TRHDE: variants seen among roughly 807,000 people sequenced by gnomAD.
TRHDE encodes thyrotropin releasing hormone degrading enzyme, also known as thyrotropin-releasing hormone-degrading ectoenzyme.
TRHDE carries 72 observed loss-of-function variants against 125.7 expected under a neutral mutation model. The observed-to-expected ratio is 0.57, with a 90% confidence interval of 0.47 to 0.70. The LOEUF (loss-of-function observed/expected upper bound fraction) is 0.70. Ranked by LOEUF, TRHDE falls within the 30% of genes least tolerant of loss-of-function variation. The pLI is 0.00. For missense variants in TRHDE, 1,110 were observed against 1,327.1 expected, an observed-to-expected ratio of 0.84 and a Z score of 2.54; for synonymous variants, 509 against 509.1, an observed-to-expected ratio of 1.00 and a Z score of 0.00.
At chr12:72,575,179 C>T in intron 10 of TRHDE, 76 bp from the exon 11 acceptor site, 1 of 1,383,526 alleles carries the variant, frequency 7.2e-7, no homozygotes, top group Non-Finnish European at 1.0e-6. Context: ...ATTGTTATAT[C>T]TGGCGTTAAG....
intron 3 of TRHDE, among the ~76,000 whole-genome samples, chr12:72,455,067 G>A (rs1291442734): frequency 6.6e-6 from 1 of 152,058 alleles, no homozygotes; most frequent in Non-Finnish European, 1.5e-5. Flanking sequence ...CAGTAATATA[G>A]AATAAGAAGG....
chr12:72,440,138 G>T (rs1239257222), intron 3 of TRHDE, among the ~76,000 whole-genome samples: 1 of 151,824 alleles, frequency 6.6e-6, no homozygotes, highest in African/African-American at 2.4e-5. Flanking sequence ...GATCTTTTTA[G>T]TGTGCTGTTG....
chr12:72,211,652 TATATAGAC>T (rs1877784959), intron 2 of TRHDE, among the ~76,000 whole-genome samples: 1 of 152,158 alleles, frequency 6.6e-6, no homozygotes, highest in African/African-American at 2.4e-5. Flanking sequence ...GACGCAAAGC[TATATAGAC>T]TGCTAGTCTT....
chr12:72,320,305 GCATACAAT>G (rs1401358663), intron 2 of TRHDE, among the ~76,000 whole-genome samples: 6 of 150,698 alleles, frequency 4.0e-5, no homozygotes, highest in Non-Finnish European at 8.9e-5. Context: ...AACAGTATTT[GCATACAAT>G]CTACACCTAC....
intron 6 of TRHDE, among the ~76,000 whole-genome samples, chr12:72,516,267 T>C (rs2135955368): frequency 6.6e-6 from 1 of 152,226 alleles, no homozygotes. Flanking sequence ...TGATTCTTCC[T>C]ACCCATGAGC....
intron 2 of TRHDE, among the ~76,000 whole-genome samples, chr12:72,121,500 A>G (rs1466225417): frequency 6.6e-6 from 1 of 152,088 alleles, no homozygotes; most frequent in African/African-American, 2.4e-5. Flanking sequence ...ACAGGGCAGC[A>G]CTGAGTTCCA....
At chr12:72,485,017 C>A (rs1877337153) in intron 5 of TRHDE, among the ~76,000 whole-genome samples, 1 of 152,102 alleles carries the variant, frequency 6.6e-6, no homozygotes, top group Non-Finnish European at 1.5e-5. Flanking sequence ...AACTCAGAAC[C>A]AGGAGGGACT....
intron 1 of TRHDE, among the ~76,000 whole-genome samples, chr12:72,095,348 G>A (rs1415901512): frequency 1.3e-5 from 2 of 152,174 alleles, no homozygotes; most frequent in Non-Finnish European, 2.9e-5. Flanking sequence ...TGAAGCAAGT[G>A]TTATAAATAT....
chr12:72,343,579 T>G (rs1464932096), intron 2 of TRHDE, among the ~76,000 whole-genome samples: 1 of 152,186 alleles, frequency 6.6e-6, no homozygotes, highest in African/African-American at 2.4e-5. Context: ...AGTGTCACTT[T>G]AAGTTCAATT....
At chr12:72,091,643 T>C (rs2139282621) in intron 1 of TRHDE, among the ~76,000 whole-genome samples, 1 of 152,276 alleles carries the variant, frequency 6.6e-6, no homozygotes, top group South Asian at 2.1e-4. Flanking sequence ...AGGGTTGTGA[T>C]CAACTCAGTA....
intron 2 of TRHDE, among the ~76,000 whole-genome samples, chr12:72,342,459 T>A (rs1349848070): frequency 6.6e-6 from 1 of 152,070 alleles, no homozygotes. Context: ...TCTCCCTAAA[T>A]AGTCTTTTTG....
intron 6 of TRHDE, among the ~76,000 whole-genome samples, chr12:72,531,396 A>C (rs1483566538): frequency 6.6e-6 from 1 of 151,888 alleles, no homozygotes; most frequent in Admixed American, 6.6e-5. Flanking sequence ...CTAATCTTTC[A>C]TTGCTAATAG....
intron 2 of TRHDE, among the ~76,000 whole-genome samples, chr12:72,304,349 G>T (rs1868307547): frequency 6.6e-6 from 1 of 152,118 alleles, no homozygotes; most frequent in Non-Finnish European, 1.5e-5. Context: ...CCACCATAAG[G>T]TGGGAACAGC....
chr12:72,121,651 C>T (rs1875585247), intron 2 of TRHDE, among the ~76,000 whole-genome samples: 1 of 150,762 alleles, frequency 6.6e-6, no homozygotes, highest in African/African-American at 2.4e-5. Context: ...TTCAGTGCCT[C>T]TTTCAGTGAT....
intron 6 of TRHDE, among the ~76,000 whole-genome samples, chr12:72,521,493 A>C (rs1879193901): frequency 6.6e-6 from 1 of 152,178 alleles, no homozygotes. Context: ...TGGCTTCTAC[A>C]GAGTAGAGCA....
chr12:72,499,722 T>A lies in TRHDE; in HGVS notation c.1722+87T>A, dbSNP rs1248006027. The A allele has an allele frequency of 5.5e-6, 8 of 1,466,810 alleles. No individual in the cohort carries two copies. The East Asian group carries it at 1.2e-4, about 22-fold the overall frequency. 90.9% of individuals were successfully genotyped at this position (1,466,810 alleles called of 1,614,324 possible). On this transcript the variant is annotated intron_variant, in intron 6 of 18. Coordinates refer to ENST00000261180, the MANE Select transcript of TRHDE (RefSeq NM_013381.3). ...ATGTTAGATGTATGTATTTTTCTTT[T>A]TTTCCGGGCAGATAGACATAGACTG...
chr12:72,621,800 C>A, intron 15 of TRHDE, 49 bp downstream of exon 15: 1 of 1,370,448 alleles, frequency 7.3e-7, no homozygotes, highest in Non-Finnish European at 1.0e-6. Context: ...ATAGTGCTTT[C>A]AGAGTCTCAG....
chr12:72,247,459 C>T (rs1386789568), intron 2 of TRHDE, among the ~76,000 whole-genome samples: 1 of 152,108 alleles, frequency 6.6e-6, no homozygotes, highest in African/African-American at 2.4e-5. Context: ...AACTTCTATT[C>T]TAGAACAATG....
At chr12:72,489,222 GA>G (rs149322068) in intron 5 of TRHDE, among the ~76,000 whole-genome samples, 82 of 139,188 alleles carry the variant, frequency 5.9e-4, no homozygotes, top group South Asian at 2.0e-3. Context: ...GATTTTTTTT[GA>G]AAAAAAAAAT....
Sources: allele counts gnomAD v4.1 joint callset (sites outside exome capture counted in the v4.1 genomes callset), GRCh38; gene constraint gnomAD v4.1.1; transcripts MANE v1.5; gene names NCBI Gene and HGNC (gene_info 2026-07-23, HGNC 2026-07-21).